The following CSMD1 variants were observed in gnomAD, a reference collection of about 807,000 sequenced individuals.
CSMD1 encodes the protein CUB and sushi domain-containing protein 1.
A neutral mutation model predicts 417.5 loss-of-function variants in CSMD1; 213 were observed. The ratio of observed to expected loss-of-function variants is 0.51; its 90% CI spans 0.46 to 0.57. The LOEUF is 0.57. Among genes scored for constraint, CSMD1 ranks in the 20% least tolerant of loss-of-function variants. The pLI, the probability that CSMD1 is intolerant of heterozygous loss-of-function variation, is 0.00. For synonymous variants in CSMD1, 2,862 were observed against 1,736.8 expected, an observed-to-expected ratio of 1.65 and a Z score of -16.11; for missense variants, 6,923 against 4,529.7, an observed-to-expected ratio of 1.53 and a Z score of -15.17.
chr8:3,846,881 G>C (rs1375525367), intron 5 of CSMD1, among the ~76,000 whole-genome samples: 3 of 152,202 alleles, frequency 2.0e-5, no homozygotes, highest in African/African-American at 7.2e-5. Flanking sequence ...CATCATGTTG[G>C]CCAAGCTGGT....
chr8:3,871,706 C>G (rs1443995528), intron 5 of CSMD1, among the ~76,000 whole-genome samples: 2 of 152,140 alleles, frequency 1.3e-5, no homozygotes, highest in Admixed American at 1.3e-4. Context: ...GTAAATGTGT[C>G]TCAAAAAATT....
chr8:4,335,128 C>T (rs998312356), intron 3 of CSMD1, among the ~76,000 whole-genome samples: 2 of 152,200 alleles, frequency 1.3e-5, no homozygotes, highest in South Asian at 4.1e-4. Context: ...TCTTCAACTT[C>T]TGGACTCAAG....
chr8:3,006,620 A>T (rs1343273807), intron 52 of CSMD1, among the ~76,000 whole-genome samples: 2 of 150,802 alleles, frequency 1.3e-5, no homozygotes, highest in African/African-American at 2.4e-5. Flanking sequence ...ATAATGCCGC[A>T]TATCTACAAC....
At chr8:3,376,928 G>C (rs1176346017) in intron 18 of CSMD1, among the ~76,000 whole-genome samples, 1 of 152,162 alleles carries the variant, frequency 6.6e-6, no homozygotes, top group East Asian at 1.9e-4. Flanking sequence ...CAAGCCTTAT[G>C]GTTGGATGAA....
chr8:2,982,153 C>A (rs2721297), intron 54 of CSMD1, among the ~76,000 whole-genome samples: 1 of 152,032 alleles, frequency 6.6e-6, no homozygotes. Flanking sequence ...GTCAAGAGTT[C>A]GAGACCAGCC....
intron 2 of CSMD1, among the ~76,000 whole-genome samples, chr8:4,585,290 C>T (rs568085406): frequency 6.6e-6 from 1 of 151,638 alleles, no homozygotes; most frequent in African/African-American, 2.4e-5. Context: ...ATAGGCAGTC[C>T]CAGAAATTAA....
intron 10 of CSMD1, among the ~76,000 whole-genome samples, chr8:3,567,963 C>T (rs886809325): frequency 2.6e-5 from 4 of 152,186 alleles, no homozygotes; most frequent in Non-Finnish European, 4.4e-5. Flanking sequence ...CCACCAATGA[C>T]TGTGCAGGCA....
intron 2 of CSMD1, among the ~76,000 whole-genome samples, chr8:4,553,242 C>G (rs1797947941): frequency 6.6e-6 from 1 of 152,160 alleles, no homozygotes; most frequent in African/African-American, 2.4e-5. Flanking sequence ...CAGTCTGCAA[C>G]CATCATAAAT....
intron 3 of CSMD1, among the ~76,000 whole-genome samples, chr8:4,191,810 C>A (rs922123676): frequency 6.6e-6 from 1 of 151,684 alleles, no homozygotes; most frequent in African/African-American, 2.4e-5. Flanking sequence ...ACTTCATCTC[C>A]TATCGAATGA....
At chr8:4,281,264 G>T (rs752314101) in intron 3 of CSMD1, among the ~76,000 whole-genome samples, 1 of 152,132 alleles carries the variant, frequency 6.6e-6, no homozygotes, top group Non-Finnish European at 1.5e-5. Flanking sequence ...ATAACCTCTC[G>T]ACAGCATTAT....
At chr8:4,747,580 C>T (rs1026214051) in intron 1 of CSMD1, among the ~76,000 whole-genome samples, 2 of 152,178 alleles carry the variant, frequency 1.3e-5, no homozygotes, top group Non-Finnish European at 2.9e-5. Flanking sequence ...TTGTCACCTG[C>T]TAAATACACT....
At chr8:3,562,415 C>T (rs57906493) in intron 10 of CSMD1, among the ~76,000 whole-genome samples, 245 of 139,032 alleles carry the variant, frequency 1.8e-3, no homozygotes, top group Admixed American at 3.6e-3. Context: ...CACACATGCA[C>T]AAACACACAT....
intron 12 of CSMD1, among the ~76,000 whole-genome samples, chr8:3,444,305 A>G (rs189250028): frequency 1.9e-4 from 29 of 152,344 alleles, no homozygotes; most frequent in African/African-American, 7.0e-4. Flanking sequence ...AGAAGCTATC[A>G]TCGACTCAGG....
chr8:4,077,279 C>CTATATATATATATGTGTATA (rs1281597523), intron 3 of CSMD1, among the ~76,000 whole-genome samples: 5 of 94,992 alleles, frequency 5.3e-5, no homozygotes, highest in African/African-American at 8.5e-5. Flanking sequence ...CATTTGTCAC[C>CTATATATATATATGTGTATA]TATATATATA....
chr8:4,636,490 TC>T (rs1802817182), intron 2 of CSMD1, among the ~76,000 whole-genome samples: 1 of 152,144 alleles, frequency 6.6e-6, no homozygotes, highest in Non-Finnish European at 1.5e-5. Context: ...TATGTTCCTT[TC>T]ACTGAATATA....
chr8:4,095,372 G>C (rs913408458), intron 3 of CSMD1, among the ~76,000 whole-genome samples: 2 of 150,648 alleles, frequency 1.3e-5, no homozygotes, highest in African/African-American at 2.5e-5. Flanking sequence ...GGCTGATGTA[G>C]AAACTAAAAC....
intron 2 of CSMD1, among the ~76,000 whole-genome samples, chr8:4,623,874 G>A (rs893573382): frequency 2.6e-5 from 4 of 152,106 alleles, no homozygotes; most frequent in African/African-American, 4.8e-5. Flanking sequence ...GGGGTCACAA[G>A]AAAAGTTTTG....
intron 5 of CSMD1, among the ~76,000 whole-genome samples, chr8:3,852,468 T>A (rs1331144124): frequency 1.3e-5 from 2 of 152,158 alleles, no homozygotes; most frequent in African/African-American, 4.8e-5. Flanking sequence ...AGGGCTGCAT[T>A]CAGAGAATAA....
At chr8:3,398,712 C>A (rs1811850262) in intron 16 of CSMD1, among the ~76,000 whole-genome samples, 2 of 152,094 alleles carry the variant, frequency 1.3e-5, no homozygotes, top group Non-Finnish European at 2.9e-5. Context: ...TTGCTCATGA[C>A]AAAATCTTTT....
Sources: gnomAD v4.1 joint callset for allele counts (sites outside exome capture counted in the v4.1 genomes callset) on GRCh38, gnomAD v4.1.1 for gene constraint, MANE v1.5 for transcripts, NCBI Gene and HGNC (gene_info 2026-07-23, HGNC 2026-07-21) for gene names.